The following DUSP11 variants were observed in gnomAD, a reference collection of about 807,000 sequenced individuals.
DUSP11 encodes the protein RNA/RNP complex-1-interacting phosphatase.
Under a neutral mutation model 41.4 loss-of-function variants are expected in DUSP11, and 27 were observed. The observed-to-expected ratio is 0.65, with a 90% CI of 0.48 to 0.90. DUSP11 has a LOEUF of 0.90. Among genes scored for constraint, DUSP11 ranks in the 40% least tolerant of loss-of-function variants. The pLI is 0.00. For missense variants in DUSP11, 465 were observed against 461.1 expected (o/e 1.01, Z -0.08); for synonymous variants, 188 against 159.3 (o/e 1.18, Z -1.35).
intron 4 of DUSP11, among the ~76,000 whole-genome samples, chr2:73,769,930 A>G (rs1485500316): frequency 6.6e-6 from 1 of 152,192 alleles, no homozygotes; most frequent in Non-Finnish European, 1.5e-5. Flanking sequence ...TTCCCATTAC[A>G]CCACAGTATT....
chr2:73,774,228 A>T (rs1672637333), intron 3 of DUSP11, among the ~76,000 whole-genome samples: 1 of 152,232 alleles, frequency 6.6e-6, no homozygotes, highest in South Asian at 2.1e-4. Flanking sequence ...AATATTTTAT[A>T]ATTCAAGGGC....
chr2:73,762,734 T>C, exon 9 of DUSP11: 1 of 1,613,834 alleles, frequency 6.2e-7, no homozygotes, highest in East Asian at 2.2e-5. Flanking sequence ...TCTTCTATCC[T>C]GGGCTGCCCG....
intron 8 of DUSP11, among the ~76,000 whole-genome samples, chr2:73,764,897 T>C (rs1268262231): frequency 6.6e-6 from 1 of 151,762 alleles, no homozygotes; most frequent in Non-Finnish European, 1.5e-5. Flanking sequence ...ACCTGGGAGG[T>C]GGAGGTTGCA....
At chr2:73,762,937 CATAAA>C in intron 8 of DUSP11, 78 bp from the exon 9 acceptor site, 1 of 592,542 alleles carries the variant, frequency 1.7e-6, no homozygotes, top group Non-Finnish European at 2.4e-6. Context: ...TTTATATTTT[CATAAA>C]ATATTTTAAA....
At chr2:73,763,939 A>G (rs1037807777) in intron 8 of DUSP11, among the ~76,000 whole-genome samples, 19 of 152,296 alleles carry the variant, frequency 1.2e-4, no homozygotes, top group African/African-American at 3.6e-4. Context: ...TAGTATGGAT[A>G]TAATTATTTA....
At chr2:73,769,161 C>T in intron 5 of DUSP11, 104 bp downstream of exon 5, 1 of 928,164 alleles carries the variant, frequency 1.1e-6, no homozygotes, top group Non-Finnish European at 1.7e-6. Context: ...CTGCCTTCTA[C>T]TTCATGTATT....
rs1018547208 is a variant in DUSP11 at position 73,778,198 on chromosome 2, T to C, written c.318+103A>G. The C allele has an allele frequency of 4.9e-5, 35 of 716,124 alleles. No homozygotes were observed. The African/African-American group carries it at 6.0e-4, about 12-fold the overall frequency. 44.4% of individuals were successfully genotyped at this position (716,124 alleles called of 1,614,324 possible). ...GGATAGTAAAGGGGTCATTACAAAG[T>C]ATTTGCTATAAAAAGAGAAAATGGA... On this transcript the variant is annotated intron_variant, in intron 2 of 8. Transcript: ENST00000272444.
Position 73,779,842 on chromosome 2 carries a change from A to AAAGGCCACG in DUSP11, c.242+23_242+31dup. The AAAGGCCACG allele has an allele frequency of 2.5e-6, 4 of 1,610,216 alleles. No individual in the cohort carries two copies. In the African/African-American group the frequency reaches 5.3e-5, roughly 21 times the overall value. Reference sequence around the variant, plus strand: ...CCCAGACCCAGAAGCCACGAGCTGGAAAGGCCACGCCAAGGGACCAAGACA... The same window carrying AAAGGCCACG: ...CCCAGACCCAGAAGCCACGAGCTGGAAAGGCCACGAAGGCCACGCCAAGGGACCAAGACA... On this transcript the variant is annotated intron_variant, in intron 1 of 8. Coordinates refer to ENST00000272444, the Ensembl canonical transcript of DUSP11.
At chr2:73,772,446 C>T (rs917687001) in intron 4 of DUSP11, among the ~76,000 whole-genome samples, 1 of 152,188 alleles carries the variant, frequency 6.6e-6, no homozygotes, top group East Asian at 1.9e-4. Context: ...GTCAGCACCA[C>T]TCAGGCAGAA....
rs140629191 is a variant in DUSP11, at chr2:73,762,803, G to T, written c.992C>A (p.Pro331His). The T allele has an allele frequency of 1.9e-6, 3 of 1,611,120 alleles. No homozygotes were observed. The South Asian group carries it at 3.3e-5, about 18-fold the overall frequency. Residue 331 changes from proline to histidine, a missense_variant, in exon 9 of 9, where the codon CCC (proline) becomes CAC (histidine). By Grantham distance (77) the Pro-to-His change is moderately conservative. Coordinates refer to ENST00000272444, the Ensembl canonical transcript of DUSP11. ...CCTGTGTGAATAGTCCTCTCCAGGG[G>T]GACCAGGAGGAGGGAGATGGTGTCT...
chr2:73,773,960 A>G (rs755865414), intron 3 of DUSP11, 37 bp from the exon 4 acceptor site: 7 of 1,490,558 alleles, frequency 4.7e-6, no homozygotes. Flanking sequence ...GTATTATTTC[A>G]CTTGTAGAGA....
intron 1 of DUSP11, among the ~76,000 whole-genome samples, chr2:73,778,909 A>T (rs1190023355): frequency 2.0e-5 from 3 of 152,104 alleles, no homozygotes; most frequent in African/African-American, 7.2e-5. Context: ...GCAATTTGGG[A>T]GGCTGAGGCA....
At chr2:73,764,238 CAT>C (rs1672415838) in intron 8 of DUSP11, among the ~76,000 whole-genome samples, 1 of 152,138 alleles carries the variant, frequency 6.6e-6, no homozygotes, top group Non-Finnish European at 1.5e-5. Context: ...CCGCAAGTGA[CAT>C]GTTTTTTGAA....
At chr2:73,764,124 T>G (rs534969642) in intron 8 of DUSP11, among the ~76,000 whole-genome samples, 35 of 152,372 alleles carry the variant, frequency 2.3e-4, no homozygotes, top group African/African-American at 8.4e-4. Context: ...TAGCTTTTTC[T>G]GTACTTTGAA....
At chr2:73,766,037 C>A (rs1425978093) in intron 8 of DUSP11, among the ~76,000 whole-genome samples, 1 of 152,192 alleles carries the variant, frequency 6.6e-6, no homozygotes, top group African/African-American at 2.4e-5. Flanking sequence ...CGGCCAGGCG[C>A]GGTGGCTCAC....
intron 5 of DUSP11, chr2:73,768,605 A>G (rs1305029735): frequency 3.3e-5 from 33 of 985,300 alleles, no homozygotes; most frequent in Non-Finnish European, 4.0e-5. Flanking sequence ...TTATAATATC[A>G]AAAACTTCTG....
intron 1 of DUSP11, 99 bp from the exon 2 acceptor site, chr2:73,778,475 T>C (rs1672726657): frequency 1.5e-6 from 1 of 679,922 alleles, no homozygotes; most frequent in Non-Finnish European, 2.3e-6. Flanking sequence ...CCGCACAACA[T>C]GTCCTCTCTC....
intron 2 of DUSP11, among the ~76,000 whole-genome samples, chr2:73,775,864 T>TAAAAAAAAAAA (rs1166863408): frequency 1.9e-5 from 1 of 52,302 alleles, no homozygotes; most frequent in Non-Finnish European, 3.9e-5. Flanking sequence ...AAAAAAAATT[T>TAAAAAAAAAAA]AAAAAAAAAA....
At chr2:73,763,102 A>T (rs950549704) in intron 8 of DUSP11, among the ~76,000 whole-genome samples, 5 of 152,142 alleles carry the variant, frequency 3.3e-5, no homozygotes, top group Admixed American at 6.5e-5. Context: ...AAGCTAAATT[A>T]AAAAAATACA....
Sources: gnomAD v4.1 joint callset for allele counts (sites outside exome capture counted in the v4.1 genomes callset) on GRCh38, gnomAD v4.1.1 for gene constraint, MANE v1.5 for transcripts, NCBI Gene and HGNC (gene_info 2026-07-23, HGNC 2026-07-21) for gene names.